ZNF385D: variants seen among roughly 807,000 people sequenced by gnomAD.
The protein encoded by ZNF385D is zinc finger protein 385D.
In ZNF385D, 15 loss-of-function variants were observed where a neutral mutation model predicts 35.8. That is an observed-to-expected ratio of 0.42 (90% confidence interval 0.28 to 0.64). ZNF385D has a LOEUF of 0.64. Among genes scored for constraint, ZNF385D ranks in the 30% least tolerant of loss-of-function variants. The pLI is 0.23. For synonymous variants in ZNF385D, 212 were observed against 186.8 expected, an observed-to-expected ratio of 1.13 and a Z score of -1.10; for missense variants, 474 against 494.6, an observed-to-expected ratio of 0.96 and a Z score of 0.39.
chr3:21,942,973 A>G (rs1221385625), intron 3 of ZNF385D, among the ~76,000 whole-genome samples: 1 of 152,194 alleles, frequency 6.6e-6, no homozygotes. Context: ...TTCTAGGTCC[A>G]CACTGGAATC....
chr3:21,561,238 A>T (rs1344012876), intron 3 of ZNF385D, among the ~76,000 whole-genome samples: 1 of 152,122 alleles, frequency 6.6e-6, no homozygotes, highest in Non-Finnish European at 1.5e-5. Flanking sequence ...CCAAACAGCC[A>T]CCCAGTTTTG....
chr3:22,061,762 C>T (rs563497706), intron 3 of ZNF385D, among the ~76,000 whole-genome samples: 1 of 152,338 alleles, frequency 6.6e-6, no homozygotes, highest in African/African-American at 2.4e-5. Flanking sequence ...ACCACTGCCT[C>T]TGTACACACA....
intron 3 of ZNF385D, among the ~76,000 whole-genome samples, chr3:21,553,828 T>G (rs1373258238): frequency 1.3e-5 from 2 of 152,178 alleles, no homozygotes; most frequent in African/African-American, 4.8e-5. Flanking sequence ...CTTCCTTAGC[T>G]CATTCAAAAG....
At chr3:21,582,839 G>A (rs182215957) in intron 2 of ZNF385D, among the ~76,000 whole-genome samples, 88 of 151,760 alleles carry the variant, frequency 5.8e-4, no homozygotes, top group Admixed American at 2.2e-3. Context: ...GTGCAGTGGC[G>A]CCATCTCTGC....
intron 3 of ZNF385D, among the ~76,000 whole-genome samples, chr3:21,982,740 T>G (rs555093900): frequency 2.0e-5 from 3 of 152,200 alleles, no homozygotes; most frequent in Admixed American, 6.5e-5. Flanking sequence ...TGGCTCTTAT[T>G]ATTTTGAGGT....
intron 2 of ZNF385D, among the ~76,000 whole-genome samples, chr3:22,259,781 A>G (rs2125341781): frequency 6.6e-6 from 1 of 152,100 alleles, no homozygotes; most frequent in Middle Eastern, 3.4e-3. Context: ...AGGCACCAGA[A>G]ATTTTACCAG....
chr3:22,186,646 A>G (rs1322501813), intron 2 of ZNF385D, among the ~76,000 whole-genome samples: 1 of 152,092 alleles, frequency 6.6e-6, no homozygotes, highest in East Asian at 1.9e-4. Flanking sequence ...GGTCATAAGA[A>G]TTTGATATAT....
intron 3 of ZNF385D, among the ~76,000 whole-genome samples, chr3:21,920,151 C>T (rs377281705): frequency 6.6e-6 from 1 of 152,140 alleles, no homozygotes; most frequent in African/African-American, 2.4e-5. Context: ...ATAGGTGTCC[C>T]CCAAAGATTA....
intron 3 of ZNF385D, among the ~76,000 whole-genome samples, chr3:21,758,323 T>G (rs141915604): frequency 6.6e-6 from 1 of 152,182 alleles, no homozygotes; most frequent in African/African-American, 2.4e-5. Flanking sequence ...GCATGGCCTA[T>G]GAGGTTAGTG....
chr3:21,968,693 G>T lies in ZNF385D; in HGVS notation c.325+200124C>A, dbSNP rs374574408. Among the ~76,000 whole-genome samples the T allele has an allele frequency of 2.9e-4, 44 of 152,320 alleles. No homozygotes were observed. The East Asian group carries it at 7.5e-3, about 26-fold the overall frequency. ...ATCACCTACTGACTAGAGAGCTCTT[G>T]GGCCCTAAATAATCAGCAATGGTAG... On this transcript the variant is annotated intron_variant, in intron 3 of 5. Coordinates refer to the ZNF385D transcript ENST00000494108.
chr3:22,078,936 T>C (rs918985654), intron 3 of ZNF385D, among the ~76,000 whole-genome samples: 3 of 152,060 alleles, frequency 2.0e-5, no homozygotes, highest in African/African-American at 4.8e-5. Context: ...TGTGTGGAAA[T>C]TGACCTATTT....
intron 1 of ZNF385D, among the ~76,000 whole-genome samples, chr3:21,709,036 G>A (rs780678488): frequency 5.3e-5 from 8 of 152,100 alleles, no homozygotes; most frequent in South Asian, 2.1e-4. Context: ...GGGTAGATTG[G>A]AACTTAGGTT....
intron 4 of ZNF385D, among the ~76,000 whole-genome samples, chr3:21,437,499 A>G (rs113222080): frequency 6.6e-6 from 1 of 152,120 alleles, no homozygotes; most frequent in African/African-American, 2.4e-5. Context: ...TAGCCTTAGT[A>G]CAACAATATT....
intron 3 of ZNF385D, among the ~76,000 whole-genome samples, chr3:21,930,729 T>C (rs969163236): frequency 1.3e-5 from 2 of 152,122 alleles, no homozygotes; most frequent in Admixed American, 6.5e-5. Flanking sequence ...AGAGGAATGA[T>C]AGTCTTCCCA....
intron 4 of ZNF385D, among the ~76,000 whole-genome samples, chr3:21,501,217 C>T (rs1394968349): frequency 6.6e-6 from 1 of 152,000 alleles, no homozygotes; most frequent in African/African-American, 2.4e-5. Context: ...CTCCCTCTAT[C>T]GCTGTACGGG....
chr3:22,240,692 C>G (rs1051971755), intron 2 of ZNF385D, among the ~76,000 whole-genome samples: 1 of 151,008 alleles, frequency 6.6e-6, no homozygotes, highest in African/African-American at 2.5e-5. Flanking sequence ...TCCTCACATC[C>G]TTGTCAGGCA....
chr3:21,739,106 GT>G (rs2069384452), intron 1 of ZNF385D, among the ~76,000 whole-genome samples: 1 of 152,176 alleles, frequency 6.6e-6, no homozygotes, highest in Non-Finnish European at 1.5e-5. Flanking sequence ...GCTTTCCTGG[GT>G]AGTGACTGGC....
intron 3 of ZNF385D, among the ~76,000 whole-genome samples, chr3:22,009,952 T>A (rs1696466243): frequency 6.7e-6 from 1 of 150,114 alleles, no homozygotes; most frequent in African/African-American, 2.5e-5. Context: ...ATGAAAAAAA[T>A]GATAAGAATA....
intron 3 of ZNF385D, among the ~76,000 whole-genome samples, chr3:22,143,880 A>G (rs976052401): frequency 6.6e-6 from 1 of 152,214 alleles, no homozygotes; most frequent in Non-Finnish European, 1.5e-5. Context: ...TGTCATTAAC[A>G]TCATACACAC....
Sources: allele counts gnomAD v4.1 joint callset (sites outside exome capture counted in the v4.1 genomes callset), GRCh38; gene constraint gnomAD v4.1.1; transcripts MANE v1.5; gene names NCBI Gene and HGNC (gene_info 2026-07-23, HGNC 2026-07-21).